The following THRB variants were observed in gnomAD, a reference collection of about 807,000 sequenced individuals.
THRB encodes nuclear receptor subfamily 1 group A member 2.
Under a neutral mutation model 47.8 loss-of-function variants are expected in THRB, and 12 were observed. The observed-to-expected ratio is 0.25, with a 90% CI of 0.16 to 0.41. The LOEUF is 0.41. Among genes scored for constraint, THRB ranks in the 10% least tolerant of loss-of-function variants. The pLI, the probability that THRB is intolerant of heterozygous loss-of-function variation, is 1.00. For missense variants in THRB, 348 were observed against 589.2 expected (o/e 0.59, Z 4.24); for synonymous variants, 218 against 212.2 (o/e 1.03, Z -0.24).
intron 1 of THRB, among the ~76,000 whole-genome samples, chr3:24,492,101 C>T (rs1325268547): frequency 1.3e-5 from 2 of 152,216 alleles, no homozygotes; most frequent in African/African-American, 2.4e-5. Context: ...CCAACTGGCA[C>T]CCACTTAGGA....
chr3:24,182,632 G>C (rs78001253), intron 5 of THRB, among the ~76,000 whole-genome samples: 1,808 of 152,200 alleles, frequency 0.012, 35 homozygotes, highest in African/African-American at 0.041. Flanking sequence ...CCCATCTATT[G>C]AGCACTCACT....
intron 3 of THRB, among the ~76,000 whole-genome samples, chr3:24,274,873 G>A (rs1228767841): frequency 6.6e-6 from 1 of 150,788 alleles, no homozygotes; most frequent in East Asian, 1.9e-4. Context: ...TATTTTCTAT[G>A]AGAGAGACAG....
intron 1 of THRB, among the ~76,000 whole-genome samples, chr3:24,492,739 C>A (rs1053703021): frequency 1.3e-5 from 2 of 152,164 alleles, no homozygotes; most frequent in Admixed American, 1.3e-4. Context: ...GAATTTACTA[C>A]AAAGAAACTG....
intron 5 of THRB, among the ~76,000 whole-genome samples, chr3:24,183,519 C>A (rs1203117557): frequency 1.3e-5 from 2 of 151,304 alleles, no homozygotes; most frequent in Non-Finnish European, 2.9e-5. Flanking sequence ...AGGCACACGC[C>A]ACCATCCCCA....
At chr3:24,210,994 T>C (rs535892222) in intron 4 of THRB, among the ~76,000 whole-genome samples, 14 of 151,314 alleles carry the variant, frequency 9.3e-5, no homozygotes, top group Non-Finnish European at 1.9e-4. Flanking sequence ...AGGTCAGGAG[T>C]TCGAGACCAG....
intron 1 of THRB, among the ~76,000 whole-genome samples, chr3:24,467,468 T>C (rs143897834): frequency 9.7e-4 from 148 of 152,340 alleles, no homozygotes; most frequent in Non-Finnish European, 1.6e-3. Context: ...CAGAGGAATC[T>C]CTATCTATGC....
In THRB at chr3:24,408,611, G is replaced by A. The variant is rs558701972; in HGVS notation, c.-260-71240C>T. ...ACCCAAGCATATGTTTGAGACCAAA[G>A]CTTTCCTTTTTGACAGATTTTCTGT... On this transcript the variant is annotated intron_variant, in intron 1 of 10. Transcript: ENST00000646209. Among the ~76,000 whole-genome samples, 31 of 151,918 alleles carry A rather than the reference G, an allele frequency of 2.0e-4. No homozygotes were observed. The South Asian group carries it at 2.5e-3, about 12-fold the overall frequency.
intron 1 of THRB, among the ~76,000 whole-genome samples, chr3:24,487,355 C>A (rs1029194881): frequency 1.3e-4 from 20 of 152,024 alleles, no homozygotes; most frequent in Non-Finnish European, 1.6e-4. Context: ...CACACACACA[C>A]ACACACACAC....
At chr3:24,177,996 A>G (rs2041389855) in intron 5 of THRB, among the ~76,000 whole-genome samples, 1 of 152,178 alleles carries the variant, frequency 6.6e-6, no homozygotes, top group African/African-American at 2.4e-5. Flanking sequence ...CCTATTATGG[A>G]GAAAGGTGTT....
At chr3:24,136,663 C>A (rs2034718565) in intron 8 of THRB, among the ~76,000 whole-genome samples, 2 of 152,190 alleles carry the variant, frequency 1.3e-5, no homozygotes, top group Admixed American at 1.3e-4. Flanking sequence ...GATCAAGCTC[C>A]AATACTGATG....
chr3:24,180,964 A>T (rs1387989391), intron 5 of THRB, among the ~76,000 whole-genome samples: 1 of 152,204 alleles, frequency 6.6e-6, no homozygotes, highest in East Asian at 1.9e-4. Context: ...CTTCAGGGGA[A>T]TAAGTTTTTT....
chr3:24,236,764 G>C (rs1333766284), intron 3 of THRB, among the ~76,000 whole-genome samples: 1 of 152,152 alleles, frequency 6.6e-6, no homozygotes, highest in Non-Finnish European at 1.5e-5. Flanking sequence ...GAGTAAGAAA[G>C]TTTGGACACA....
chr3:24,270,958 T>TC (rs1337030127), intron 3 of THRB, among the ~76,000 whole-genome samples: 1 of 152,018 alleles, frequency 6.6e-6, no homozygotes, highest in African/African-American at 2.4e-5. Flanking sequence ...TGTGAAAGGC[T>TC]CCCCCCCTTT....
At chr3:24,325,487 G>C (rs2058746293) in intron 2 of THRB, among the ~76,000 whole-genome samples, 1 of 152,242 alleles carries the variant, frequency 6.6e-6, no homozygotes, top group Non-Finnish European at 1.5e-5. Flanking sequence ...AGGAGTTCGA[G>C]ATCAGCCTGG....
chr3:24,337,549 G>A (rs538117877), intron 1 of THRB, among the ~76,000 whole-genome samples, 178 bp from the exon 2 acceptor site: 1 of 152,318 alleles, frequency 6.6e-6, no homozygotes, highest in East Asian at 1.9e-4. Flanking sequence ...AAGGGGAGAT[G>A]GTTTCAGGGA....
chr3:24,246,293 A>G (rs374106139), intron 3 of THRB, among the ~76,000 whole-genome samples: 1 of 152,142 alleles, frequency 6.6e-6, no homozygotes, highest in South Asian at 2.1e-4. Context: ...ACACCAAGAG[A>G]AGAGCTGGCA....
At chr3:24,395,908 T>C (rs1191987177) in intron 1 of THRB, among the ~76,000 whole-genome samples, 2 of 152,210 alleles carry the variant, frequency 1.3e-5, no homozygotes, top group East Asian at 3.9e-4. Context: ...TAGAATTATA[T>C]GGTTCCGTTT....
chr3:24,300,235 A>G (rs552254632), intron 2 of THRB, among the ~76,000 whole-genome samples: 2 of 152,282 alleles, frequency 1.3e-5, no homozygotes, highest in African/African-American at 4.8e-5. Flanking sequence ...GACAAAGTTG[A>G]TACACTATTC....
chr3:24,129,054 CTAAAATACT>C (rs2033404367), intron 9 of THRB, among the ~76,000 whole-genome samples: 1 of 152,096 alleles, frequency 6.6e-6, no homozygotes, highest in South Asian at 2.1e-4. Flanking sequence ...TGAATTACAT[CTAAAATACT>C]GGGCATTTTA....
Sources: gnomAD v4.1 joint callset for allele counts (sites outside exome capture counted in the v4.1 genomes callset) on GRCh38, gnomAD v4.1.1 for gene constraint, MANE v1.5 for transcripts, NCBI Gene and HGNC (gene_info 2026-07-23, HGNC 2026-07-21) for gene names.